Variants in ARMH4 observed in about 807,000 individuals in gnomAD.
ARMH4 encodes the protein armadillo-like helical domain-containing protein 4.
Under a neutral mutation model 61.9 loss-of-function variants are expected in ARMH4, and 49 were observed. The ratio of observed to expected loss-of-function variants is 0.79; its 90% CI spans 0.63 to 1.00. The LOEUF is 1.00. ARMH4 is among the 50% of genes least tolerant of loss of function. ARMH4 has a pLI of 0.00. For missense variants in ARMH4, 934 were observed against 930.0 expected (o/e 1.00, Z -0.06); for synonymous variants, 368 against 341.5 (o/e 1.08, Z -0.85).
At chr14:58,066,677 G>T (rs1884715347) in intron 5 of ARMH4, among the ~76,000 whole-genome samples, 2 of 152,270 alleles carry the variant, frequency 1.3e-5, no homozygotes, top group Non-Finnish European at 1.5e-5. Context: ...TTAGCCAGAA[G>T]GAACGTCAGT....
At chr14:58,102,208 G>A in intron 4 of ARMH4, among the ~76,000 whole-genome samples, 1 of 152,190 alleles carries the variant, frequency 6.6e-6, no homozygotes, top group Admixed American at 6.5e-5. Flanking sequence ...TATCCCTCAG[G>A]CTGTGTGGAA....
chr14:58,007,114 C>T (rs1313185675), intron 6 of ARMH4, among the ~76,000 whole-genome samples: 1 of 152,130 alleles, frequency 6.6e-6, no homozygotes, highest in Non-Finnish European at 1.5e-5. Flanking sequence ...TGGAAACACA[C>T]ACATGTTGAA....
At chr14:58,140,225 A>G (rs1887485518) in intron 1 of ARMH4, among the ~76,000 whole-genome samples, 1 of 148,298 alleles carries the variant, frequency 6.7e-6, no homozygotes, top group Non-Finnish European at 1.5e-5. Flanking sequence ...CAGTGAGCTG[A>G]GATCGTGCCA....
intron 5 of ARMH4, among the ~76,000 whole-genome samples, chr14:58,046,518 C>A (rs1883951291): frequency 6.6e-6 from 1 of 152,106 alleles, no homozygotes; most frequent in African/African-American, 2.4e-5. Context: ...TCCTAAAATC[C>A]CAGGGCTAGG....
chr14:58,137,977 T>C lies in ARMH4; in HGVS notation c.1369+13A>G, dbSNP rs944309905. The C allele has an allele frequency of 4.0e-5, 62 of 1,566,270 alleles. No homozygotes were observed. Among genetic ancestry groups the C allele is most frequent in the Non-Finnish European group, 5.2e-5 (60 of 1,156,868 alleles). On this transcript the variant is annotated intron_variant, in intron 2 of 7. Coordinates refer to ENST00000267485, the MANE Select transcript of ARMH4 (RefSeq NM_001001872.4). Reference sequence around the variant, plus strand: ...ATTAAACCAAAGTTTGTTTTTCTTTTTCTTTCTTTTACCTTTCATTGTATT... The same window carrying C: ...ATTAAACCAAAGTTTGTTTTTCTTTCTCTTTCTTTTACCTTTCATTGTATT...
rs1346950809 is a variant in ARMH4, at chr14:58,139,361, T to C, written c.-3A>G. The C allele has an allele frequency of 1.2e-6, 2 of 1,613,498 alleles. No homozygotes were observed. The highest frequency in any genetic ancestry group is 2.2e-5 in the East Asian group (1 of 44,886). On this transcript the variant is annotated 5_prime_UTR_variant, in exon 2 of 8. Transcript: ENST00000267485. ...TGCAATACAATCGGTCCTCTCATAG[T>C]GGAAGAGAAATGGCACGTACACTGG...
At chr14:58,077,482 C>A (rs1489386243) in intron 5 of ARMH4, among the ~76,000 whole-genome samples, 1 of 152,094 alleles carries the variant, frequency 6.6e-6, no homozygotes, top group African/African-American at 2.4e-5. Context: ...TGGTGCACAC[C>A]TGCGGTCCCA....
At chr14:58,012,253 A>C in intron 5 of ARMH4, 103 bp from the exon 6 acceptor site, 1 of 630,736 alleles carries the variant, frequency 1.6e-6, no homozygotes, top group Non-Finnish European at 2.7e-6. Flanking sequence ...TATTAAATAC[A>C]GTAAAAGGAT....
intron 4 of ARMH4, among the ~76,000 whole-genome samples, chr14:58,116,851 G>GCCC (rs1055636560): frequency 6.6e-6 from 1 of 152,140 alleles, no homozygotes; most frequent in Admixed American, 6.6e-5. Context: ...TCAGCCATGA[G>GCCC]CCCATATAAT....
At chr14:58,062,111 G>A (rs554865799) in intron 5 of ARMH4, among the ~76,000 whole-genome samples, 1 of 152,296 alleles carries the variant, frequency 6.6e-6, no homozygotes, top group East Asian at 1.9e-4. Context: ...GGCCAAGGAA[G>A]GAGGACCACT....
At chr14:58,139,783 G>T (rs1887469557) in intron 1 of ARMH4, among the ~76,000 whole-genome samples, 1 of 152,292 alleles carries the variant, frequency 6.6e-6, no homozygotes, top group East Asian at 1.9e-4. Context: ...ACATGTCCAA[G>T]AAATAAAAAG....
intron 1 of ARMH4, among the ~76,000 whole-genome samples, chr14:58,145,743 T>TC (rs1566604604): frequency 6.6e-6 from 1 of 152,252 alleles, no homozygotes; most frequent in South Asian, 2.1e-4. Context: ...TTTGCTTTTC[T>TC]CCCCCCTTTT....
intron 5 of ARMH4, among the ~76,000 whole-genome samples, chr14:58,050,973 T>C (rs952166924): frequency 2.6e-5 from 4 of 152,044 alleles, no homozygotes. Context: ...TGAAAGACAT[T>C]ATTTAAGGAA....
chr14:58,085,531 G>A (rs1324411441), intron 5 of ARMH4, among the ~76,000 whole-genome samples: 1 of 152,068 alleles, frequency 6.6e-6, no homozygotes, highest in African/African-American at 2.4e-5. Context: ...TTATTTTCTG[G>A]ATTAGTTCCA....
At chr14:58,009,536 C>T (rs1015719445) in intron 6 of ARMH4, among the ~76,000 whole-genome samples, 1 of 152,064 alleles carries the variant, frequency 6.6e-6, no homozygotes, top group African/African-American at 2.4e-5. Flanking sequence ...AGGGGCCGGG[C>T]ACAGTAGCTC....
intron 4 of ARMH4, among the ~76,000 whole-genome samples, chr14:58,114,009 G>A (rs1886436069): frequency 1.3e-5 from 2 of 151,990 alleles, no homozygotes; most frequent in Admixed American, 1.3e-4. Context: ...TGAGTAAAGA[G>A]TAAGCCAATC....
chr14:58,127,476 G>A (rs1226997332), intron 4 of ARMH4, among the ~76,000 whole-genome samples: 1 of 152,128 alleles, frequency 6.6e-6, no homozygotes, highest in African/African-American at 2.4e-5. Context: ...CAGCCATGTG[G>A]AACCTCTTTC....
intron 4 of ARMH4, among the ~76,000 whole-genome samples, chr14:58,123,674 C>T (rs190760283): frequency 1.1e-4 from 17 of 152,284 alleles, no homozygotes; most frequent in Non-Finnish European, 2.4e-4. Context: ...TACATCCTGA[C>T]TCTCAATTCT....
At chr14:58,047,664 T>C (rs1161453436) in intron 5 of ARMH4, among the ~76,000 whole-genome samples, 1 of 152,194 alleles carries the variant, frequency 6.6e-6, no homozygotes, top group Non-Finnish European at 1.5e-5. Flanking sequence ...ACTTTTCAGA[T>C]GAGGTAGTCA....
Sources: allele counts gnomAD v4.1 joint callset (sites outside exome capture counted in the v4.1 genomes callset), GRCh38; gene constraint gnomAD v4.1.1; transcripts MANE v1.5; gene names NCBI Gene and HGNC (gene_info 2026-07-23, HGNC 2026-07-21).